Variants in GRAMD1C observed in about 807,000 individuals in gnomAD.
GRAMD1C encodes the protein GRAM domain containing 1C.
GRAMD1C carries 89 observed loss-of-function variants against 97.8 expected under a neutral mutation model. The ratio of observed to expected loss-of-function variants is 0.91; its 90% CI spans 0.77 to 1.09. GRAMD1C has a LOEUF of 1.09. GRAMD1C is among the 50% of genes least tolerant of loss of function. The pLI, the probability that GRAMD1C is intolerant of heterozygous loss-of-function variation, is 0.00. For synonymous variants in GRAMD1C, 256 were observed against 267.0 expected (o/e 0.96, Z 0.40); for missense variants, 740 against 766.4 (o/e 0.97, Z 0.41).
rs751556575 is a variant in GRAMD1C, at chr3:113,904,214, G to A, written c.731G>A (p.Ser244Asn). 5 of 1,608,302 alleles carry A rather than the reference G, an allele frequency of 3.1e-6. No individual in the cohort carries two copies. In the South Asian group the frequency reaches 5.5e-5, roughly 18 times the overall value. ...EKLSKSISFT[S>N]ESISRVSETE... ...TTATCCAAGTCAATCAGTTTTACCA[G>A]TGAATCAATTAGTCGGGTTTCAGAA... Residue 244 changes from serine to asparagine, a missense_variant, in exon 8 of 18, where the codon AGT (serine) becomes AAT (asparagine). Physicochemically the swap from Ser to Asn is conservative, Grantham distance 46. Coordinates refer to ENST00000358160, the MANE Select transcript of GRAMD1C (RefSeq NM_017577.5).
chr3:113,885,224 G>A (rs1935422962), intron 6 of GRAMD1C: 12 of 865,940 alleles, frequency 1.4e-5, no homozygotes, highest in Admixed American at 7.0e-5. Context: ...TCCCTTCGGC[G>A]GGGGTTGCCC....
intron 9 of GRAMD1C, among the ~76,000 whole-genome samples, chr3:113,910,893 C>T (rs1028428801): frequency 1.3e-5 from 2 of 152,000 alleles, no homozygotes; most frequent in Admixed American, 6.6e-5. Context: ...CCAAGCCTAC[C>T]CAACATACTC....
At position 113,933,507 on chromosome 3, in the gene GRAMD1C, G is replaced by T; in HGVS notation, c.1210-4G>T. Reference sequence around the variant, plus strand: ...TACAAACATTTTTTATCTTACTTTGGCAGACACTGTATAAAGAAAGTCGGG... The same window carrying T: ...TACAAACATTTTTTATCTTACTTTGTCAGACACTGTATAAAGAAAGTCGGG... On this transcript the variant is annotated splice_polypyrimidine_tract_variant and splice_region_variant and intron_variant, in intron 11 of 17. Coordinates refer to ENST00000358160, the MANE Select transcript of GRAMD1C (RefSeq NM_017577.5). 1.2e-6 allele frequency: 2 copies of T among 1,605,444 alleles called. No individual in the cohort carries two copies. Among genetic ancestry groups the T allele is most frequent in the Admixed American group, 1.7e-5 (1 of 59,894 alleles).
At chr3:113,933,820 C>T (rs544038497) in intron 12 of GRAMD1C, among the ~76,000 whole-genome samples, 167 bp downstream of exon 12, 1 of 152,290 alleles carries the variant, frequency 6.6e-6, no homozygotes, top group Non-Finnish European at 1.5e-5. Context: ...AAGGCCCCCG[C>T]TTGATGAAGG....
intron 8 of GRAMD1C, among the ~76,000 whole-genome samples, chr3:113,904,834 T>C (rs114701287): frequency 0.028 from 4,325 of 152,258 alleles, 219 homozygotes; most frequent in African/African-American, 0.099. Context: ...GTTTTTTGTT[T>C]TTAGTTTTTT....
At chr3:113,894,855 T>C (rs1935873519) in intron 6 of GRAMD1C, among the ~76,000 whole-genome samples, 2 of 152,182 alleles carry the variant, frequency 1.3e-5, no homozygotes, top group African/African-American at 2.4e-5. Flanking sequence ...TATACAGATA[T>C]ACGCTGTCTA....
At chr3:113,921,344 C>T (rs1424844836) in intron 10 of GRAMD1C, among the ~76,000 whole-genome samples, 1 of 152,172 alleles carries the variant, frequency 6.6e-6, no homozygotes, top group Non-Finnish European at 1.5e-5. Context: ...CATGTCTTTA[C>T]TATCGTGAAT....
intron 2 of GRAMD1C, among the ~76,000 whole-genome samples, chr3:113,868,679 T>C (rs114246669): frequency 0.016 from 2,361 of 151,984 alleles, 65 homozygotes; most frequent in African/African-American, 0.054. Flanking sequence ...TGTGTGTAGA[T>C]TGGGGAATGT....
intron 17 of GRAMD1C, among the ~76,000 whole-genome samples, chr3:113,943,277 G>A (rs559690149): frequency 2.6e-5 from 4 of 152,238 alleles, no homozygotes; most frequent in Admixed American, 1.3e-4. Context: ...CTTCTTTCTT[G>A]AAATGTATCT....
At chr3:113,885,148 T>G in intron 6 of GRAMD1C, 1 of 595,358 alleles carries the variant, frequency 1.7e-6, no homozygotes. Flanking sequence ...AGGGGTGGCT[T>G]TCTGAGCCGC....
chr3:113,850,361 T>C (rs1933842410), intron 2 of GRAMD1C: 2 of 779,276 alleles, frequency 2.6e-6, no homozygotes, highest in Admixed American at 3.4e-5. Context: ...TCTGTAGGTA[T>C]CTCTGTCGGC....
At chr3:113,920,056 T>C in intron 10 of GRAMD1C, 1 of 991,630 alleles carries the variant, frequency 1.0e-6, no homozygotes, top group Non-Finnish European at 1.5e-6. Context: ...TGTTTGTTGA[T>C]GAGGAAGACT....
intron 5 of GRAMD1C, among the ~76,000 whole-genome samples, chr3:113,882,274 G>T (rs1935297813): frequency 6.6e-6 from 1 of 152,102 alleles, no homozygotes; most frequent in African/African-American, 2.4e-5. Context: ...GGAGTTTTTA[G>T]AAGACCATGA....
chr3:113,837,861 T>C (rs1709664662), upstream of GRAMD1C, among the ~76,000 whole-genome samples: 1 of 152,054 alleles, frequency 6.6e-6, no homozygotes, highest in South Asian at 2.1e-4. Context: ...TGAGCAGAGA[T>C]TGCGCCACCG....
At chr3:113,830,734 T>A (rs191461399) in intron 1 of GRAMD1C, among the ~76,000 whole-genome samples, 659 of 152,346 alleles carry the variant, frequency 4.3e-3, no homozygotes, top group Middle Eastern at 0.01. Context: ...ACTGACACAT[T>A]GTTATGCAAT....
intron 6 of GRAMD1C, among the ~76,000 whole-genome samples, chr3:113,899,698 T>C (rs1485765187): frequency 6.6e-6 from 1 of 152,208 alleles, no homozygotes; most frequent in East Asian, 1.9e-4. Flanking sequence ...TTGGTTATCA[T>C]AATATTGTTA....
In GRAMD1C at chr3:113,852,614, T is replaced by TA. The variant is rs1197515346; in HGVS notation, c.174+7974dup. Among the ~76,000 whole-genome samples, 617 of 150,444 alleles carry TA rather than the reference T, an allele frequency of 4.1e-3. 2 individuals are homozygous for TA. Among genetic ancestry groups the TA allele is most frequent in the African/African-American group, 0.013 (516 of 40,986 alleles). ...AGCGAGGGAAATATACCTAAGGGGT[T>TA]AAAAAAAAAGAAAAAAGAGGGAACT... is the stretch of plus-strand genomic sequence containing the variant. On this transcript the variant is annotated intron_variant, in intron 2 of 17. Transcript: ENST00000358160.
chr3:113,914,293 G>C (rs2712337), intron 9 of GRAMD1C, among the ~76,000 whole-genome samples: 1 of 152,008 alleles, frequency 6.6e-6, no homozygotes, highest in Non-Finnish European at 1.5e-5. Flanking sequence ...TTTTGCCTAC[G>C]TAGAGTATTG....
At chr3:113,942,048 G>C (rs942960045) in intron 17 of GRAMD1C, among the ~76,000 whole-genome samples, 1 of 151,464 alleles carries the variant, frequency 6.6e-6, no homozygotes, top group African/African-American at 2.4e-5. Context: ...CCCGTAGCTG[G>C]AACTTCAGGT....
Sources: allele counts gnomAD v4.1 joint callset (sites outside exome capture counted in the v4.1 genomes callset), GRCh38; gene constraint gnomAD v4.1.1; transcripts MANE v1.5; gene names NCBI Gene and HGNC (gene_info 2026-07-23, HGNC 2026-07-21).